The following ZNF518A variants were observed in gnomAD, a reference collection of about 807,000 sequenced individuals.
ZNF518A encodes the protein zinc finger protein 518.
ZNF518A carries 47 observed loss-of-function variants against 102.7 expected under a neutral mutation model. That is an observed-to-expected ratio of 0.46 (90% CI 0.36 to 0.58). The LOEUF (loss-of-function observed/expected upper bound fraction) is 0.58. Ranked by LOEUF, ZNF518A falls within the 20% of genes least tolerant of loss-of-function variation. ZNF518A has a pLI of 0.00. For synonymous variants in ZNF518A, 652 were observed against 594.6 expected, an observed-to-expected ratio of 1.10 and a Z score of -1.40; for missense variants, 1,793 against 1,699.8, an observed-to-expected ratio of 1.05 and a Z score of -0.96.
intron 1 of ZNF518A, among the ~76,000 whole-genome samples, chr10:96,202,462 T>G (rs1361717316): frequency 6.6e-6 from 1 of 152,142 alleles, no homozygotes; most frequent in Non-Finnish European, 1.5e-5. Flanking sequence ...AAGTGAGAAG[T>G]CAAGGGTGAC....
intron 1 of ZNF518A, among the ~76,000 whole-genome samples, chr10:96,172,904 T>A (rs2083181703): frequency 6.6e-6 from 1 of 152,150 alleles, no homozygotes; most frequent in South Asian, 2.1e-4. Context: ...AAGATTCATG[T>A]GCAGTAAACT....
At chr10:96,140,411 C>T (rs1181641397) in intron 3 of ZNF518A, among the ~76,000 whole-genome samples, 4 of 152,176 alleles carry the variant, frequency 2.6e-5, no homozygotes, top group Non-Finnish European at 4.4e-5. Flanking sequence ...CACATGATAA[C>T]ATGTTCTCCC....
chr10:96,166,034 G>A (rs933267827), downstream of ZNF518A, among the ~76,000 whole-genome samples: 1 of 152,114 alleles, frequency 6.6e-6, no homozygotes, highest in African/African-American at 2.4e-5. Flanking sequence ...GTAAGTCCTC[G>A]AATCCAAAGG....
At chr10:96,204,566 C>A (rs587752677), downstream of ZNF518A, 1 of 1,614,050 alleles carries the variant, frequency 6.2e-7, no homozygotes, top group African/African-American at 1.3e-5. Flanking sequence ...GACTGCACAG[C>A]TTCTTGTCTG....
At chr10:96,201,156 C>A in intron 1 of ZNF518A, 17 of 1,087,302 alleles carry the variant, frequency 1.6e-5, no homozygotes, top group Middle Eastern at 2.1e-4. Flanking sequence ...GCCAGGGACA[C>A]ATCCACCAAA....
chr10:96,203,639 T>C (rs1420951034), intron 2 of ZNF518A: 2 of 154,470 alleles, frequency 1.3e-5, no homozygotes, highest in Admixed American at 6.4e-5. Context: ...GTACCTTTTG[T>C]AGACATATTT....
At chr10:96,174,551 G>A (rs1243230262) in intron 1 of ZNF518A, among the ~76,000 whole-genome samples, 2 of 152,092 alleles carry the variant, frequency 1.3e-5, no homozygotes, top group Non-Finnish European at 2.9e-5. Flanking sequence ...GTAGTTATAT[G>A]ACCTAGATGA....
downstream of ZNF518A, among the ~76,000 whole-genome samples, chr10:96,164,786 T>C (rs782225883): frequency 6.6e-6 from 1 of 152,338 alleles, no homozygotes. Flanking sequence ...TTAAATACTT[T>C]TTCCTAGTAA....
chr10:96,188,166 AATCTC>A (rs2083283965), intron 1 of ZNF518A, among the ~76,000 whole-genome samples: 1 of 152,224 alleles, frequency 6.6e-6, no homozygotes, highest in Non-Finnish European at 1.5e-5. Context: ...AGACTTTTCT[AATCTC>A]ATCAAGAATA....
intron 3 of ZNF518A, among the ~76,000 whole-genome samples, chr10:96,152,442 C>A (rs2082495183): frequency 6.6e-6 from 1 of 152,224 alleles, no homozygotes; most frequent in South Asian, 2.1e-4. Context: ...GAGACGTTCA[C>A]AACATGCCAA....
At chr10:96,199,610 G>A in intron 1 of ZNF518A, 1 of 437,908 alleles carries the variant, frequency 2.3e-6, no homozygotes, top group Admixed American at 2.5e-5. Context: ...TTTCTCTTGA[G>A]TAAGTAAAGG....
rs1182334104 is a variant in ZNF518A, at chr10:96,163,698, A to G, written c.*2924A>G. 1 of 167,064 alleles carries G rather than the reference A, an allele frequency of 6.0e-6. No homozygotes were observed. The highest frequency in any genetic ancestry group is 6.5e-5 in the Admixed American group (1 of 15,282). 10.3% of individuals were successfully genotyped at this position (167,064 alleles called of 1,614,324 possible). A position where few individuals can be genotyped will look rare whatever the true frequency, so the allele number is the denominator to read the frequency against. On this transcript the variant is annotated 3_prime_UTR_variant, in exon 6 of 6. Coordinates refer to ENST00000316045, the MANE Select transcript of ZNF518A (RefSeq NM_001330736.2). ...ACTCAATTCTCATAATGCAGAAAAA[A>G]ACCATAGACAATATGTAAATGAATT...
intron 1 of ZNF518A, among the ~76,000 whole-genome samples, chr10:96,190,856 G>A (rs1212479737): frequency 6.6e-6 from 1 of 152,210 alleles, no homozygotes; most frequent in Non-Finnish European, 1.5e-5. Context: ...GTTCACCAAT[G>A]TCTGCTTTTC....
At chr10:96,172,250 C>T (rs117592294) in intron 1 of ZNF518A, among the ~76,000 whole-genome samples, 3,155 of 152,044 alleles carry the variant, frequency 0.021, 49 homozygotes, top group Non-Finnish European at 0.033. Context: ...AAAAGGCAAT[C>T]AAATAAAACA....
intron 1 of ZNF518A, among the ~76,000 whole-genome samples, chr10:96,202,771 G>A (rs1414977142): frequency 1.3e-5 from 2 of 152,172 alleles, no homozygotes; most frequent in African/African-American, 2.4e-5. Flanking sequence ...TGTGGTTTCT[G>A]CAGTTCTGGC....
intron 3 of ZNF518A, among the ~76,000 whole-genome samples, chr10:96,142,409 C>A (rs969811481): frequency 2.0e-5 from 3 of 149,414 alleles, no homozygotes; most frequent in African/African-American, 7.4e-5. Flanking sequence ...TTTACTGTTA[C>A]ATGCTGCTTT....
Position 96,159,826 on chromosome 10 carries a change from AT to A in ZNF518A, c.3506del (p.Leu1169CysfsTer12), listed in dbSNP as rs1564785199. ...NLSVSNSASSLQKDNVPSNQI... is the reference protein window; with the variant it reads ...NLSVSNSASSXQKDNVPSNQI... The stretch of plus-strand genomic sequence containing the variant: ...TGTCAGTAAGCAACTCTGCATCCTC[AT>A]TGCAAAAAGACAACGTACCATCTAA... On this transcript the variant is annotated frameshift_variant, in exon 6 of 6. Coordinates refer to ENST00000316045, the MANE Select transcript of ZNF518A (RefSeq NM_001330736.2). LOFTEE classifies it high-confidence loss of function. The A allele has an allele frequency of 6.2e-7, 1 of 1,613,628 alleles. No individual in the cohort carries two copies. The highest frequency in any genetic ancestry group is 8.5e-7 in the Non-Finnish European group (1 of 1,179,746).
In ZNF518A at chr10:96,181,307, C is replaced by G. The variant is rs587766597; in HGVS notation, n.36-22267C>G. 6.7e-3 allele frequency among the ~76,000 whole-genome samples: 1,022 copies of G among 152,310 alleles called. 13 individuals carry two copies. Among genetic ancestry groups the G allele is most frequent in the African/African-American group, 0.022 (922 of 41,552 alleles). The stretch of plus-strand genomic sequence containing the variant: ...CCATTCTGTAGGTTGCCTGTTCACT[C>G]TGATGGTAGTTTCTTTTGCTGTGCA... On this transcript the variant is annotated intron_variant and non_coding_transcript_variant, in intron 1 of 2. Transcript: ENST00000442635.
intron 1 of ZNF518A, among the ~76,000 whole-genome samples, chr10:96,179,360 G>A (rs934354236): frequency 4.6e-5 from 7 of 151,900 alleles, no homozygotes; most frequent in African/African-American, 1.5e-4. Flanking sequence ...AGGATATATG[G>A]GCACATGAAA....
Sources: gnomAD v4.1 joint callset for allele counts (sites outside exome capture counted in the v4.1 genomes callset) on GRCh38, gnomAD v4.1.1 for gene constraint, MANE v1.5 for transcripts, NCBI Gene and HGNC (gene_info 2026-07-23, HGNC 2026-07-21) for gene names.